The following NDE1 variants were observed in gnomAD, a reference collection of about 807,000 sequenced individuals.
NDE1 encodes the protein nudE neurodevelopment protein 1, also known as nuclear distribution protein nudE homolog 1.
Under a neutral mutation model 43.4 loss-of-function variants are expected in NDE1, and 28 were observed. The ratio of observed to expected loss-of-function variants is 0.65; its 90% CI spans 0.48 to 0.89. NDE1 has a LOEUF of 0.89. Among genes scored for constraint, NDE1 ranks in the 40% least tolerant of loss-of-function variants. NDE1 has a pLI of 0.00. For missense variants in NDE1, 441 were observed against 434.1 expected (o/e 1.02, Z -0.14); for synonymous variants, 184 against 172.0 (o/e 1.07, Z -0.55).
intron 8 of NDE1, chr16:15,717,177 T>C: frequency 1.9e-6 from 3 of 1,614,186 alleles, no homozygotes; most frequent in African/African-American, 2.7e-5. Context: ...AGCTGTGCAA[T>C]CTTGGCCTCC....
At chr16:15,696,458 C>T (rs532344527) in intron 7 of NDE1, among the ~76,000 whole-genome samples, 1 of 152,038 alleles carries the variant, frequency 6.6e-6, no homozygotes, top group African/African-American at 2.4e-5. Context: ...TCAAGCCATC[C>T]TCCTGCCTTG....
chr16:15,676,836 A>G (rs1285666560), intron 3 of NDE1, among the ~76,000 whole-genome samples: 6 of 151,944 alleles, frequency 3.9e-5, no homozygotes, highest in Non-Finnish European at 8.8e-5. Context: ...GCTAGTTTTT[A>G]TTTTTTGTAG....
chr16:15,677,572 T>C (rs2037946396), intron 3 of NDE1, among the ~76,000 whole-genome samples: 1 of 148,528 alleles, frequency 6.7e-6, no homozygotes, highest in Admixed American at 6.8e-5. Flanking sequence ...GGCAACAGAG[T>C]GAGACTCGGC....
intron 8 of NDE1, chr16:15,717,267 G>C (rs2040208172): frequency 6.2e-7 from 1 of 1,613,842 alleles, no homozygotes; most frequent in Non-Finnish European, 8.5e-7. Flanking sequence ...TCCTTGTTCT[G>C]CCGCTCGAGC....
chr16:15,710,099 C>T (rs1338569139), intron 8 of NDE1, among the ~76,000 whole-genome samples: 1 of 152,188 alleles, frequency 6.6e-6, no homozygotes, highest in Non-Finnish European at 1.5e-5. Flanking sequence ...AGACCTTCCA[C>T]CTGCATTATG....
At chr16:15,668,507 C>T (rs2037429276) in intron 3 of NDE1, among the ~76,000 whole-genome samples, 1 of 152,110 alleles carries the variant, frequency 6.6e-6, no homozygotes, top group Non-Finnish European at 1.5e-5. Context: ...GCGAGCAGTC[C>T]TCCTGCCTTG....
chr16:15,690,234 C>A (rs574645169), intron 5 of NDE1, among the ~76,000 whole-genome samples: 1 of 149,512 alleles, frequency 6.7e-6, no homozygotes, highest in Non-Finnish European at 1.5e-5. Context: ...TTAATAGAGA[C>A]GGGGTTTTGC....
chr16:15,715,311 G>T (rs765738920), intron 8 of NDE1: 4 of 1,604,730 alleles, frequency 2.5e-6, no homozygotes, highest in Middle Eastern at 1.7e-4. Context: ...TCAGCGGAGG[G>T]TGGCACCCCT....
intron 3 of NDE1, among the ~76,000 whole-genome samples, chr16:15,669,793 C>G (rs1412607005): frequency 6.6e-6 from 1 of 152,222 alleles, no homozygotes; most frequent in African/African-American, 2.4e-5. Context: ...CCCCGCCTGA[C>G]CACACTGTGG....
At chr16:15,676,119 C>T (rs1259188858) in intron 3 of NDE1, among the ~76,000 whole-genome samples, 1 of 151,762 alleles carries the variant, frequency 6.6e-6, no homozygotes, top group East Asian at 1.9e-4. Context: ...CCCTCTCCCT[C>T]CCTTCCTCTC....
chr16:15,657,630 C>T (rs912129222), intron 1 of NDE1, among the ~76,000 whole-genome samples: 3 of 151,814 alleles, frequency 2.0e-5, no homozygotes, highest in Admixed American at 2.0e-4. Context: ...CTTGTTCTGT[C>T]GCCCAGGCTG....
intron 8 of NDE1, among the ~76,000 whole-genome samples, chr16:15,698,564 G>T (rs1427807314): frequency 6.6e-6 from 1 of 150,934 alleles, no homozygotes; most frequent in Non-Finnish European, 1.5e-5. Flanking sequence ...TTTACACGTG[G>T]ATTTTTAGGC....
intron 2 of NDE1, among the ~76,000 whole-genome samples, chr16:15,665,245 T>TTAACTTACAC (rs1436425235): frequency 1.3e-5 from 2 of 151,988 alleles, no homozygotes; most frequent in Non-Finnish European, 2.9e-5. Context: ...TGTGAAAGGC[T>TTAACTTACAC]TAACTTACAC....
chr16:15,695,411 T>C (rs907409764), intron 7 of NDE1: 25 of 790,576 alleles, frequency 3.2e-5, no homozygotes, highest in East Asian at 1.3e-4. Flanking sequence ...GAGAGGCTTA[T>C]GCAGGAAAAT....
chr16:15,649,659 A>G (rs2151382979), upstream of NDE1, among the ~76,000 whole-genome samples: 1 of 152,322 alleles, frequency 6.6e-6, no homozygotes, highest in African/African-American at 2.4e-5. Context: ...ACGGAGTCAT[A>G]GAGGCTAAAC....
In NDE1 at chr16:15,664,848, A is replaced by G. The variant is rs1228996141; in HGVS notation, c.70A>G (p.Thr24Ala). Residue 24 changes from threonine (T) to alanine (A), a missense_variant, in exon 2 of 9, where the codon ACC (threonine) becomes GCC (alanine). Coordinates refer to ENST00000396354, the MANE Select transcript of NDE1 (RefSeq NM_017668.3). ...TAACTATTGGAAAGATCTGGCGATG[A>G]CCTACAAACAGAGGTCAGTCCGAGT... ...EANYWKDLAM[T>A]YKQRAENTQE... 2 of 1,611,112 alleles carry G rather than the reference A, an allele frequency of 1.2e-6. No homozygotes were observed. Among genetic ancestry groups the G allele is most frequent in the Non-Finnish European group, 1.7e-6 (2 of 1,178,490 alleles).
intron 8 of NDE1, chr16:15,699,861 A>G (rs775842326): frequency 7.5e-7 from 1 of 1,332,846 alleles, no homozygotes; most frequent in South Asian, 1.2e-5. Flanking sequence ...GTTGGTGCGG[A>G]AGTCGTTACC....
rs373448058 is a variant in NDE1, at chr16:15,668,980, A to C, written c.237+1541A>C. 4.5e-3 allele frequency among the ~76,000 whole-genome samples: 690 copies of C among 151,910 alleles called. 2 individuals carry two copies. Among genetic ancestry groups the C allele is most frequent in the African/African-American group, 0.014 (586 of 41,424 alleles). ...AGTAGCGCGATCTCGGCTCACTGCA[A>C]GCTCCGCCTCCCAGGTTCACACCAT... On this transcript the variant is annotated intron_variant, in intron 3 of 8. Coordinates refer to ENST00000396354, the MANE Select transcript of NDE1 (RefSeq NM_017668.3).
chr16:15,696,153 C>T (rs1482911572), intron 7 of NDE1, among the ~76,000 whole-genome samples: 1 of 143,026 alleles, frequency 7.0e-6, no homozygotes, highest in African/African-American at 2.7e-5. Context: ...TGATCTTTTT[C>T]CAGGCAGCTC....
Sources: gnomAD v4.1 joint callset for allele counts (sites outside exome capture counted in the v4.1 genomes callset) on GRCh38, gnomAD v4.1.1 for gene constraint, MANE v1.5 for transcripts, NCBI Gene and HGNC (gene_info 2026-07-23, HGNC 2026-07-21) for gene names.